UGT2B7: variants seen among roughly 807,000 people sequenced by gnomAD.
UGT2B7 encodes UDP glucuronosyltransferase family 2 member B7, also known as UDP-glucuronosyltransferase 2B7.
Under a neutral mutation model 51.9 loss-of-function variants are expected in UGT2B7, and 51 were observed. The observed-to-expected ratio is 0.98, with a 90% CI of 0.78 to 1.24. UGT2B7 has a LOEUF of 1.24. Ranked by LOEUF, UGT2B7 falls within the 50% of genes most tolerant of loss-of-function variation. The probability of loss-of-function intolerance (pLI) is 0.00; values close to 1 mark genes in which losing one functional copy is unlikely to be tolerated. For missense variants in UGT2B7, 727 were observed against 628.4 expected (o/e 1.16, Z -1.68); for synonymous variants, 225 against 211.6 (o/e 1.06, Z -0.55).
intron 1 of UGT2B7, among the ~76,000 whole-genome samples, chr4:69,059,774 G>A (rs1215466586): frequency 6.6e-6 from 1 of 152,198 alleles, no homozygotes; most frequent in Non-Finnish European, 1.5e-5. Context: ...TCTTGCCAGT[G>A]CGGAAGCCGT....
At chr4:69,093,721 A>C (rs1186498718), upstream of UGT2B7, among the ~76,000 whole-genome samples, 2 of 152,218 alleles carry the variant, frequency 1.3e-5, no homozygotes, top group African/African-American at 4.8e-5. Context: ...CTGTGAAAGA[A>C]GCATGTTATT....
chr4:69,107,118 C>T, intron 3 of UGT2B7, 57 bp from the exon 4 acceptor site: 1 of 1,546,282 alleles, frequency 6.5e-7, no homozygotes, highest in East Asian at 2.3e-5. Context: ...ACAGTTCTCA[C>T]ATTCTATAAC....
intron 1 of UGT2B7, 84 bp downstream of exon 1, chr4:69,097,325 G>C: frequency 6.8e-7 from 1 of 1,472,066 alleles, no homozygotes; most frequent in Non-Finnish European, 9.1e-7. Flanking sequence ...CATAAAGTCA[G>C]GGTAGTGGGG....
At position 69,070,443 on chromosome 4, in the gene UGT2B7, A is replaced by T. The variant is rs558998744; in HGVS notation, c.-159+18841A>T. Among the ~76,000 whole-genome samples the T allele has an allele frequency of 6.6e-5, 10 of 150,444 alleles. No individual in the cohort carries two copies. In the East Asian group the frequency reaches 1.9e-3, roughly 29 times the overall value. ...AATATATGTGTCCCTGTCAGAAAAA[A>T]AAAAAAGAAAAACAGAGCAAGATCC... is the stretch of plus-strand genomic sequence containing the variant. On this transcript the variant is annotated intron_variant, in intron 1 of 5. Transcript: ENST00000502942.
At chr4:69,062,191 A>G (rs920306665) in intron 1 of UGT2B7, among the ~76,000 whole-genome samples, 1 of 152,192 alleles carries the variant, frequency 6.6e-6, no homozygotes, top group Non-Finnish European at 1.5e-5. Context: ...AGGTGGGACC[A>G]GGTCTTGCCC....
upstream of UGT2B7, among the ~76,000 whole-genome samples, chr4:69,096,288 G>A (rs565152175): frequency 2.0e-5 from 3 of 152,100 alleles, no homozygotes; most frequent in African/African-American, 4.8e-5. Context: ...TTAGCTGAAG[G>A]ATAGCACTCA....
Position 69,096,946 on chromosome 4 carries a change from G to C in UGT2B7, c.426G>C (p.Glu142Asp), listed in dbSNP as rs1719253404. ...SNKKFMKKVQESRFDVIFADA... is the reference protein window; with the variant it reads ...SNKKFMKKVQDSRFDVIFADA... ...AGAAATTTATGAAAAAAGTACAAGAGTCAAGATTTGACGTCATTTTTGCAG... is the reference window on the plus strand; with the variant it reads ...AGAAATTTATGAAAAAAGTACAAGACTCAAGATTTGACGTCATTTTTGCAG... The change falls in exon 1 of 6, where the codon GAG (glutamate) becomes GAC (aspartate). Residue 142 changes from glutamate (E) to aspartate (D), a missense_variant. Coordinates refer to ENST00000305231, the MANE Select transcript of UGT2B7 (RefSeq NM_001074.4). 2 of 1,613,116 alleles carry C rather than the reference G, an allele frequency of 1.2e-6. No homozygotes were observed. Among genetic ancestry groups the C allele is most frequent in the Admixed American group, 1.7e-5 (1 of 59,784 alleles).
chr4:69,110,158 A>G (rs1719731470), intron 5 of UGT2B7, among the ~76,000 whole-genome samples: 1 of 152,090 alleles, frequency 6.6e-6, no homozygotes, highest in African/African-American at 2.4e-5. Context: ...ACATACACAC[A>G]CAATAAACAT....
At position 69,112,836 on chromosome 4, in the gene UGT2B7, C is replaced by CAA. The variant is rs57075995; in HGVS notation, c.*112_*113dup. 30,217 of 1,047,472 alleles carry CAA rather than the reference C, an allele frequency of 0.029. 358 individuals carry two copies. Among genetic ancestry groups the CAA allele is most frequent in the African/African-American group, 0.13 (7,326 of 55,540 alleles). 64.9% of individuals were successfully genotyped at this position (1,047,472 alleles called of 1,614,324 possible). ...ATGCAAGATTTCTTTCTTCCTGAGACAAAAAAAAAAAAAGAAAAAAAAATC... is the reference window on the plus strand; with the variant it reads ...ATGCAAGATTTCTTTCTTCCTGAGACAAAAAAAAAAAAAAAGAAAAAAAAATC... On this transcript the variant is annotated 3_prime_UTR_variant, in exon 6 of 6. Coordinates refer to ENST00000305231, the MANE Select transcript of UGT2B7 (RefSeq NM_001074.4).
chr4:69,098,816 T>C, intron 2 of UGT2B7, 128 bp downstream of exon 2: 9 of 1,477,590 alleles, frequency 6.1e-6, no homozygotes, highest in Non-Finnish European at 8.2e-6. Context: ...GTAAAGCAGA[T>C]ACCAATTAGA....
intron 2 of UGT2B7, 128 bp downstream of exon 2, chr4:69,098,816 TACCAA>T: frequency 6.8e-7 from 1 of 1,477,590 alleles, no homozygotes; most frequent in Non-Finnish European, 9.1e-7. Context: ...GTAAAGCAGA[TACCAA>T]TTAGAAACTC....
In UGT2B7 at chr4:69,108,299, G is replaced by A; in HGVS notation, c.1287G>A (p.Leu429=). ...TMSSTDLLNA[L]KRVINDPSYK... is the part of the protein sequence containing the mutation. ...CGAGTACAGACTTGCTGAATGCATT[G>A]AAGAGAGTAATTAATGATCCTTCGT... Residue 429 remains leucine, a synonymous_variant, in exon 5 of 6, where the codon TTG becomes TTA. Coordinates refer to ENST00000305231, the MANE Select transcript of UGT2B7 (RefSeq NM_001074.4). 6.2e-7 allele frequency: 1 copy of A among 1,613,488 alleles called. No homozygotes were observed. The highest frequency in any genetic ancestry group is 8.5e-7 in the Non-Finnish European group (1 of 1,179,520).
At chr4:69,070,723 T>C (rs1298461301) in intron 1 of UGT2B7, among the ~76,000 whole-genome samples, 2 of 152,100 alleles carry the variant, frequency 1.3e-5, no homozygotes, top group Non-Finnish European at 2.9e-5. Context: ...TTAGACAGGG[T>C]AATTTTGCAA....
upstream of UGT2B7, among the ~76,000 whole-genome samples, chr4:69,095,771 G>T (rs1043289931): frequency 6.6e-6 from 1 of 152,106 alleles, no homozygotes; most frequent in Admixed American, 6.6e-5. Flanking sequence ...ATGGTTGTAA[G>T]AATCAACATG....
intron 1 of UGT2B7, among the ~76,000 whole-genome samples, chr4:69,079,860 GT>G (rs113841748): frequency 0.034 from 5,000 of 145,704 alleles, 114 homozygotes; most frequent in Middle Eastern, 0.12. Flanking sequence ...TCCAATTTTT[GT>G]TTTTTTTTTA....
chr4:69,103,803 A>T (rs1010203219), intron 3 of UGT2B7, among the ~76,000 whole-genome samples: 1 of 152,166 alleles, frequency 6.6e-6, no homozygotes. Flanking sequence ...TTGCACTTTA[A>T]GTCAAATGCT....
At chr4:69,051,590 C>T (rs1185557492) in exon 1 of UGT2B7, 1 of 152,376 alleles carries the variant, frequency 6.6e-6, no homozygotes, top group African/African-American at 2.4e-5. Context: ...GGAGTCCAGA[C>T]ATCTAAAATT....
chr4:69,075,801 T>C (rs1037291569), intron 1 of UGT2B7, among the ~76,000 whole-genome samples: 7 of 152,310 alleles, frequency 4.6e-5, no homozygotes, highest in Non-Finnish European at 8.8e-5. Flanking sequence ...TTATTATACT[T>C]TAAGTTCTGG....
intron 1 of UGT2B7, among the ~76,000 whole-genome samples, chr4:69,059,675 C>T (rs1394186458): frequency 1.3e-5 from 2 of 151,998 alleles, no homozygotes; most frequent in Non-Finnish European, 2.9e-5. Flanking sequence ...CCTGCTACTC[C>T]CTGAGGCCAT....
Sources: allele counts gnomAD v4.1 joint callset (sites outside exome capture counted in the v4.1 genomes callset), GRCh38; gene constraint gnomAD v4.1.1; transcripts MANE v1.5; gene names NCBI Gene and HGNC (gene_info 2026-07-23, HGNC 2026-07-21).